Variants in CHN1 observed in about 807,000 individuals in gnomAD.
CHN1 encodes the protein N-chimaerin.
Under a neutral mutation model 59.5 loss-of-function variants are expected in CHN1, and 37 were observed. The ratio of observed to expected loss-of-function variants is 0.62; its 90% CI spans 0.48 to 0.82. The LOEUF is 0.82. CHN1 is among the 40% of genes least tolerant of loss of function. The pLI is 0.00. For synonymous variants in CHN1, 206 were observed against 200.4 expected (o/e 1.03, Z -0.24); for missense variants, 469 against 571.0 (o/e 0.82, Z 1.82).
At chr2:174,962,657 A>T (rs1031070568) in intron 1 of CHN1, among the ~76,000 whole-genome samples, 1 of 22,222 alleles carries the variant, frequency 4.5e-5, no homozygotes, top group African/African-American at 2.2e-4. Context: ...AGCACTTTGG[A>T]AGGCCCGGGG....
chr2:174,811,465 A>G (rs751957728), intron 10 of CHN1, 46 bp downstream of exon 10: 28 of 1,324,788 alleles, frequency 2.1e-5, no homozygotes, highest in Middle Eastern at 1.8e-4. Flanking sequence ...CCTTTTTAGA[A>G]AAGAGTATTA....
chr2:174,977,004 G>A (rs1052962546), intron 1 of CHN1, among the ~76,000 whole-genome samples: 7 of 152,184 alleles, frequency 4.6e-5, no homozygotes, highest in African/African-American at 2.4e-5. Context: ...ATGACTATGT[G>A]AGTTTGAATA....
chr2:175,004,523 AAAAT>A (rs142716658), intron 1 of CHN1, among the ~76,000 whole-genome samples: 19,812 of 152,166 alleles, frequency 0.13, 1,650 homozygotes, highest in Non-Finnish European at 0.2. Context: ...TACCTCGTTC[AAAAT>A]AAATAAACTT....
intron 1 of CHN1, among the ~76,000 whole-genome samples, chr2:174,988,828 G>C (rs1186673590): frequency 6.6e-6 from 1 of 152,100 alleles, no homozygotes; most frequent in Non-Finnish European, 1.5e-5. Context: ...GTAATTTAGG[G>C]AAACAGATTT....
chr2:174,987,677 A>T (rs1574246920), intron 1 of CHN1, among the ~76,000 whole-genome samples: 1 of 152,066 alleles, frequency 6.6e-6, no homozygotes, highest in African/African-American at 2.4e-5. Flanking sequence ...CTCATGATCC[A>T]CCTGCCTCGG....
intron 8 of CHN1, among the ~76,000 whole-genome samples, chr2:174,814,994 C>A (rs1325386611): frequency 6.6e-6 from 1 of 151,508 alleles, no homozygotes; most frequent in Non-Finnish European, 1.5e-5. Context: ...GCCTCTCATT[C>A]TTTATCTTCT....
At chr2:174,978,695 AT>A (rs532018291) in intron 1 of CHN1, among the ~76,000 whole-genome samples, 11 of 152,350 alleles carry the variant, frequency 7.2e-5, no homozygotes, top group Non-Finnish European at 1.6e-4. Context: ...ATTTGTCAAA[AT>A]GCAATAAAGA....
chr2:174,847,408 G>A (rs903122572), intron 6 of CHN1: 36 of 1,207,798 alleles, frequency 3.0e-5, no homozygotes, highest in African/African-American at 7.8e-5. Context: ...AGAAAGAGTC[G>A]ATGCTAACAT....
intron 1 of CHN1, among the ~76,000 whole-genome samples, chr2:175,000,131 T>A (rs981996644): frequency 1.4e-5 from 2 of 143,184 alleles, no homozygotes; most frequent in African/African-American, 2.7e-5. Context: ...TCACCACACC[T>A]GGCTAATTTT....
intron 6 of CHN1, among the ~76,000 whole-genome samples, chr2:174,871,773 G>A (rs1687415926): frequency 6.6e-6 from 1 of 152,274 alleles, no homozygotes; most frequent in East Asian, 1.9e-4. Flanking sequence ...TAAATAGGGA[G>A]AAATAATGAA....
intron 7 of CHN1, among the ~76,000 whole-genome samples, chr2:174,831,874 G>A (rs899206158): frequency 6.6e-6 from 1 of 152,076 alleles, no homozygotes; most frequent in Admixed American, 6.5e-5. Flanking sequence ...AGTCCCCTAA[G>A]GTTATATTAT....
chr2:174,866,310 T>C (rs1254911715), intron 6 of CHN1, among the ~76,000 whole-genome samples: 2 of 152,330 alleles, frequency 1.3e-5, no homozygotes, highest in East Asian at 3.9e-4. Context: ...TAAAGATCCA[T>C]TACTGTTTAA....
intron 1 of CHN1, among the ~76,000 whole-genome samples, chr2:174,972,882 GAACT>G (rs777813486): frequency 9.9e-5 from 15 of 152,164 alleles, no homozygotes; most frequent in South Asian, 2.1e-4. Context: ...CAGAAAAAGT[GAACT>G]AATAAACATA....
At chr2:174,902,552 TCTAAA>T (rs1268004913) in intron 5 of CHN1, among the ~76,000 whole-genome samples, 2 of 152,178 alleles carry the variant, frequency 1.3e-5, no homozygotes, top group Admixed American at 6.5e-5. Context: ...TGATTCATAA[TCTAAA>T]CTAAGAGGAG....
At chr2:174,816,944 T>C (rs1255374099) in intron 8 of CHN1, among the ~76,000 whole-genome samples, 1 of 152,014 alleles carries the variant, frequency 6.6e-6, no homozygotes, top group Non-Finnish European at 1.5e-5. Context: ...TCCCAATATC[T>C]TCATTTCAAG....
In CHN1 at chr2:174,954,228, A is replaced by C. The variant is rs1690115826; in HGVS notation, c.20-2026T>G. Among the ~76,000 whole-genome samples the C allele has an allele frequency of 2.6e-5, 4 of 152,310 alleles. No homozygotes were observed. In the South Asian group the frequency reaches 8.3e-4, roughly 32 times the overall value. ...TAATTCAACAAATGGTGCTGGGAAA[A>C]TTGGCAAGCCACATGTAGAAGAACA... On this transcript the variant is annotated intron_variant, in intron 1 of 12. Transcript: ENST00000409900.
intron 1 of CHN1, among the ~76,000 whole-genome samples, chr2:174,954,368 C>G (rs1690120770): frequency 1.3e-5 from 2 of 152,274 alleles, no homozygotes; most frequent in South Asian, 2.1e-4. Flanking sequence ...AAAACCCCTT[C>G]TAGATACTGG....
At chr2:174,844,592 C>A (rs1365764276) in intron 7 of CHN1, among the ~76,000 whole-genome samples, 3 of 152,150 alleles carry the variant, frequency 2.0e-5, no homozygotes, top group African/African-American at 4.8e-5. Context: ...TTTCCCCACA[C>A]AAATTTCTGA....
intron 7 of CHN1, 120 bp from the exon 8 acceptor site, chr2:174,824,638 A>G (rs1198753660): frequency 7.6e-6 from 3 of 396,818 alleles, no homozygotes; most frequent in South Asian, 3.2e-5. Context: ...ATATGAGAGA[A>G]AGAGAAATGG....
Sources: allele counts gnomAD v4.1 joint callset (sites outside exome capture counted in the v4.1 genomes callset), GRCh38; gene constraint gnomAD v4.1.1; transcripts MANE v1.5; gene names NCBI Gene and HGNC (gene_info 2026-07-23, HGNC 2026-07-21).